Variants in FOXP2 observed in about 807,000 individuals in gnomAD.
FOXP2 encodes forkhead box P2, also known as forkhead box protein P2.
FOXP2 carries 12 observed loss-of-function variants against 115.8 expected under a neutral mutation model. The observed-to-expected ratio is 0.10, with a 90% CI of 0.07 to 0.17. The LOEUF (loss-of-function observed/expected upper bound fraction) is 0.17. Among genes scored for constraint, FOXP2 ranks in the 10% least tolerant of loss-of-function variants. FOXP2 has a pLI of 1.00. For synonymous variants in FOXP2, 328 were observed against 297.7 expected (o/e 1.10, Z -1.05); for missense variants, 629 against 843.5 (o/e 0.75, Z 3.15).
intron 1 of FOXP2, among the ~76,000 whole-genome samples, chr7:114,142,022 G>A (rs4521701): frequency 0.97 from 148,276 of 152,254 alleles, 72,334 homozygotes; most frequent in East Asian, 1. Flanking sequence ...ATGTTTTAAA[G>A]AATTAGATTG....
chr7:114,553,116 A>G (rs1800294008), intron 3 of FOXP2, among the ~76,000 whole-genome samples: 1 of 152,128 alleles, frequency 6.6e-6, no homozygotes, highest in Non-Finnish European at 1.5e-5. Flanking sequence ...CCTTGATCCT[A>G]TTTATTTATT....
chr7:114,534,856 C>A, intron 3 of FOXP2, 150 bp downstream of exon 3: 1 of 685,244 alleles, frequency 1.5e-6, no homozygotes. Flanking sequence ...ATTTTATCTT[C>A]TTAAAGGAGA....
Position 114,530,795 on chromosome 7 carries a change from C to A in FOXP2, c.169-3822C>A, listed in dbSNP as rs1023841736. On this transcript the variant is annotated intron_variant, in intron 2 of 16. Coordinates refer to ENST00000350908, the MANE Select transcript of FOXP2 (RefSeq NM_014491.4). ...GTATGCTTGAACTTTGCTTTTCTTA[C>A]AAAAATTTAGTTAAAATTGCACAGT... Among the ~76,000 whole-genome samples, 5 of 151,726 alleles carry A rather than the reference C, an allele frequency of 3.3e-5. No individual in the cohort carries two copies. The South Asian group carries it at 1.0e-3, about 31-fold the overall frequency.
intron 1 of FOXP2, among the ~76,000 whole-genome samples, chr7:114,206,707 AG>A (rs879546037): frequency 3.3e-5 from 5 of 152,184 alleles, no homozygotes; most frequent in Non-Finnish European, 7.4e-5. Context: ...TTTCTAGAAT[AG>A]ATCTTTGATA....
chr7:114,565,452 A>G (rs1414633764), intron 3 of FOXP2, among the ~76,000 whole-genome samples: 1 of 152,136 alleles, frequency 6.6e-6, no homozygotes. Flanking sequence ...TCTAAACCAC[A>G]ATAATCAAGA....
chr7:114,169,306 A>T (rs1035433786), intron 1 of FOXP2, among the ~76,000 whole-genome samples: 3 of 152,224 alleles, frequency 2.0e-5, no homozygotes, highest in African/African-American at 7.2e-5. Context: ...GCAAAGCCAC[A>T]GGGGCAGAGC....
intron 2 of FOXP2, among the ~76,000 whole-genome samples, chr7:114,327,156 A>T (rs1445912319): frequency 6.6e-6 from 1 of 152,192 alleles, no homozygotes; most frequent in African/African-American, 2.4e-5. Context: ...GTTTGCTATT[A>T]TATATTTGTA....
At chr7:114,678,545 C>CTTTTT (rs1475291523) in intron 16 of FOXP2, among the ~76,000 whole-genome samples, 2 of 73,266 alleles carry the variant, frequency 2.7e-5, no homozygotes, top group Non-Finnish European at 6.7e-5. Context: ...AAATAAGTGA[C>CTTTTT]TCTTTTTTTT....
At chr7:114,147,089 A>G (rs763047450) in intron 1 of FOXP2, among the ~76,000 whole-genome samples, 15 of 152,216 alleles carry the variant, frequency 9.9e-5, no homozygotes, top group African/African-American at 3.1e-4. Flanking sequence ...AGAAAATGGA[A>G]TAAGACTTGG....
chr7:114,323,438 A>C (rs1453245503), intron 2 of FOXP2, among the ~76,000 whole-genome samples: 1 of 152,044 alleles, frequency 6.6e-6, no homozygotes, highest in Non-Finnish European at 1.5e-5. Flanking sequence ...TTTAAATATA[A>C]GAGAGAGGGA....
intron 2 of FOXP2, among the ~76,000 whole-genome samples, chr7:114,334,939 A>C (rs892695247): frequency 6.3e-5 from 9 of 143,968 alleles, no homozygotes; most frequent in African/African-American, 1.3e-4. Flanking sequence ...ATCTATATAT[A>C]TATATATATA....
chr7:114,505,426 T>A (rs921314115), intron 2 of FOXP2, among the ~76,000 whole-genome samples: 3 of 151,608 alleles, frequency 2.0e-5, no homozygotes, highest in South Asian at 2.1e-4. Context: ...CATTATTTTC[T>A]GTGATTATTT....
chr7:114,344,056 T>C (rs756008909), intron 2 of FOXP2, among the ~76,000 whole-genome samples: 1 of 142,972 alleles, frequency 7.0e-6, no homozygotes, highest in South Asian at 2.5e-4. Flanking sequence ...GTTTCCTTCA[T>C]TGATACATGC....
intron 2 of FOXP2, among the ~76,000 whole-genome samples, chr7:114,525,171 T>C (rs551791689): frequency 5.9e-5 from 9 of 152,172 alleles, no homozygotes; most frequent in Non-Finnish European, 1.2e-4. Flanking sequence ...AAGCTAGTAA[T>C]CAGGAGTTAG....
exon 2 of FOXP2, chr7:114,288,054 T>TA (rs1796508948): frequency 2.2e-6 from 1 of 453,364 alleles, no homozygotes; most frequent in African/African-American, 2.0e-5. Context: ...TGAATTTTCC[T>TA]AGGACTCCGT....
At chr7:114,335,509 T>C (rs1469936798) in intron 2 of FOXP2, among the ~76,000 whole-genome samples, 2 of 151,918 alleles carry the variant, frequency 1.3e-5, no homozygotes, top group African/African-American at 4.8e-5. Flanking sequence ...TTTTATGTTA[T>C]ATTTCAGTTT....
chr7:114,490,681 G>C (rs942227151), intron 2 of FOXP2, among the ~76,000 whole-genome samples: 3 of 152,022 alleles, frequency 2.0e-5, no homozygotes, highest in African/African-American at 7.2e-5. Flanking sequence ...ACAGGCCCTG[G>C]TATGTGATGT....
intron 2 of FOXP2, among the ~76,000 whole-genome samples, chr7:114,315,514 G>A (rs1341108029): frequency 6.6e-6 from 1 of 151,956 alleles, no homozygotes; most frequent in African/African-American, 2.4e-5. Context: ...TATATTTTGG[G>A]CTAGATAGAG....
At chr7:114,429,000 T>C (rs1469961284) in intron 2 of FOXP2, among the ~76,000 whole-genome samples, 1 of 151,582 alleles carries the variant, frequency 6.6e-6, no homozygotes, top group Non-Finnish European at 1.5e-5. Context: ...AAATATGATT[T>C]AAGAGGCAGT....
Sources: allele counts gnomAD v4.1 joint callset (sites outside exome capture counted in the v4.1 genomes callset), GRCh38; gene constraint gnomAD v4.1.1; transcripts MANE v1.5; gene names NCBI Gene and HGNC (gene_info 2026-07-23, HGNC 2026-07-21).